PCDHA1: variants seen among roughly 807,000 people sequenced by gnomAD.
PCDHA1 encodes protocadherin alpha-1.
Under a neutral mutation model 61.3 loss-of-function variants are expected in PCDHA1, and 42 were observed. That is an observed-to-expected ratio of 0.69 (90% CI 0.54 to 0.89). The LOEUF (loss-of-function observed/expected upper bound fraction) is 0.89, where lower values mean the gene tolerates loss of function less well. PCDHA1 is among the 40% of genes least tolerant of loss of function. PCDHA1 has a pLI of 0.00. For missense variants in PCDHA1, 1,256 were observed against 1,235.3 expected (o/e 1.02, Z -0.25); for synonymous variants, 610 against 553.8 (o/e 1.10, Z -1.43).
intron 1 of PCDHA1, chr5:140,850,192 T>A (rs2150472322): frequency 6.3e-7 from 1 of 1,593,512 alleles, no homozygotes. Flanking sequence ...CCGGCGCTGC[T>A]GACACCTCGG....
At chr5:140,807,355 G>C in intron 1 of PCDHA1, 3 of 1,610,796 alleles carry the variant, frequency 1.9e-6, no homozygotes, top group Non-Finnish European at 2.5e-6. Context: ...GACTGGAGCT[G>C]GCGGAGCTGG....
chr5:140,883,315 G>A (rs782377860), intron 1 of PCDHA1: 1 of 1,614,104 alleles, frequency 6.2e-7, no homozygotes, highest in Admixed American at 1.7e-5. Flanking sequence ...ACGCCCCAGA[G>A]GTTACCATCA....
At chr5:140,959,688 T>G (rs1000595466) in intron 1 of PCDHA1, among the ~76,000 whole-genome samples, 20 of 152,318 alleles carry the variant, frequency 1.3e-4, no homozygotes, top group African/African-American at 4.8e-4. Flanking sequence ...ATAATTTCAA[T>G]AAAATGAGCT....
intron 1 of PCDHA1, chr5:140,876,095 T>G (rs781801828): frequency 6.2e-7 from 1 of 1,613,928 alleles, no homozygotes; most frequent in Admixed American, 1.7e-5. Context: ...ACGCCAAAAC[T>G]CAATTTATTG....
At chr5:140,797,301 T>A in intron 1 of PCDHA1, 1 of 1,614,136 alleles carries the variant, frequency 6.2e-7, no homozygotes, top group Non-Finnish European at 8.5e-7. Context: ...TATCTCAAGG[T>A]CCAGACTCCG....
At chr5:140,945,024 A>G (rs1554216669) in intron 1 of PCDHA1, among the ~76,000 whole-genome samples, 1 of 152,122 alleles carries the variant, frequency 6.6e-6, no homozygotes, top group Non-Finnish European at 1.5e-5. Flanking sequence ...TTTTACTCAG[A>G]CATAATTATC....
chr5:140,824,083 G>C (rs2150132035), intron 1 of PCDHA1: 7 of 1,614,188 alleles, frequency 4.3e-6, no homozygotes, highest in Non-Finnish European at 5.9e-6. Context: ...AGACCTCATG[G>C]CCTTCAGTCC....
intron 1 of PCDHA1, chr5:140,876,290 T>C: frequency 6.2e-7 from 1 of 1,614,074 alleles, no homozygotes; most frequent in Non-Finnish European, 8.5e-7. Flanking sequence ...GACGAAGGAC[T>C]TAATGGAGAA....
chr5:140,890,409 A>G (rs1554184285), intron 1 of PCDHA1, among the ~76,000 whole-genome samples: 1 of 152,174 alleles, frequency 6.6e-6, no homozygotes, highest in Non-Finnish European at 1.5e-5. Context: ...TTTAACTTGA[A>G]TATTTATTTA....
rs2150360116 is a variant in PCDHA1 at position 140,843,442 on chromosome 5, A to G, written c.2394+54758A>G. The G allele has an allele frequency of 4.5e-5, 72 of 1,596,116 alleles. 7 individuals are homozygous for G. The highest frequency in any genetic ancestry group is 1.7e-4 in the Middle Eastern group (1 of 5,982). ...ACCTGATCATCGCCATCTGCGCGGT[A>G]TCCAGCCTGCTGGTGCTCACGCTGC... On this transcript the variant is annotated intron_variant, in intron 1 of 3. Coordinates refer to ENST00000504120, the MANE Select transcript of PCDHA1 (RefSeq NM_018900.4).
At chr5:140,988,761 A>G (rs1320753301) in intron 3 of PCDHA1, among the ~76,000 whole-genome samples, 1 of 152,218 alleles carries the variant, frequency 6.6e-6, no homozygotes, top group Non-Finnish European at 1.5e-5. Context: ...TGGGCAGAAT[A>G]CAGTCATGGT....
chr5:140,983,719 A>C (rs1417350764), intron 3 of PCDHA1, among the ~76,000 whole-genome samples: 1 of 152,256 alleles, frequency 6.6e-6, no homozygotes, highest in African/African-American at 2.4e-5. Context: ...TAGCACTTAT[A>C]TTCATAACAT....
At chr5:140,913,212 T>G (rs113766408) in intron 1 of PCDHA1, among the ~76,000 whole-genome samples, 11,533 of 152,278 alleles carry the variant, frequency 0.076, 607 homozygotes, top group Non-Finnish European at 0.12. Flanking sequence ...AGCCAATGGG[T>G]CCCAGGCTTT....
intron 1 of PCDHA1, chr5:140,848,709 G>T: frequency 6.3e-7 from 1 of 1,592,420 alleles, no homozygotes; most frequent in African/African-American, 1.3e-5. Context: ...CAAAGGCCGC[G>T]GGGACCTTCT....
chr5:140,823,009 C>G, intron 1 of PCDHA1: 1 of 1,614,246 alleles, frequency 6.2e-7, no homozygotes, highest in Non-Finnish European at 8.5e-7. Context: ...GGACAGCGCC[C>G]TGGACCGCGA....
At position 141,010,228 on chromosome 5, in the gene PCDHA1, C is replaced by T. The variant is rs1290626143; in HGVS notation, c.*291C>T. The stretch of plus-strand genomic sequence containing the variant: ...CCGCAAAGGAGAGGCTTCCCAGCCC[C>T]GCCAGTGAGAGGTTGGACTCTCTGC... On this transcript the variant is annotated 3_prime_UTR_variant, in exon 4 of 4. Coordinates refer to ENST00000504120, the MANE Select transcript of PCDHA1 (RefSeq NM_018900.4). 35 of 1,551,916 alleles carry T rather than the reference C, an allele frequency of 2.3e-5. No homozygotes were observed. The highest frequency in any genetic ancestry group is 2.8e-5 in the Non-Finnish European group (32 of 1,147,054).
At chr5:140,882,153 AAT>A in intron 1 of PCDHA1, 1 of 1,505,320 alleles carries the variant, frequency 6.6e-7, no homozygotes, top group South Asian at 1.4e-5. Context: ...CAGAAAGCGG[AAT>A]ACCTCTTGCG....
intron 1 of PCDHA1, among the ~76,000 whole-genome samples, chr5:140,966,026 G>C (rs1586101729): frequency 6.6e-6 from 1 of 152,290 alleles, no homozygotes; most frequent in Non-Finnish European, 1.5e-5. Context: ...TGGGAGTCAG[G>C]TGAATAGTTC....
intron 1 of PCDHA1, chr5:140,829,433 A>T: frequency 6.2e-7 from 1 of 1,614,022 alleles, no homozygotes; most frequent in Non-Finnish European, 8.5e-7. Context: ...GGTGGCCGAC[A>T]TGAATGACAA....
Sources: allele counts gnomAD v4.1 joint callset (sites outside exome capture counted in the v4.1 genomes callset), GRCh38; gene constraint gnomAD v4.1.1; transcripts MANE v1.5; gene names NCBI Gene and HGNC (gene_info 2026-07-23, HGNC 2026-07-21).